The following SLC25A25 variants were observed in gnomAD, a reference collection of about 807,000 sequenced individuals.
SLC25A25 encodes mitochondrial adenyl nucleotide antiporter SLC25A25.
In SLC25A25, 32 loss-of-function variants were observed where a neutral mutation model predicts 57.7. The ratio of observed to expected loss-of-function variants is 0.55; its 90% CI spans 0.42 to 0.74. The LOEUF (loss-of-function observed/expected upper bound fraction) is 0.74, where lower values mean the gene tolerates loss of function less well. Ranked by LOEUF, SLC25A25 falls within the 30% of genes least tolerant of loss-of-function variation. SLC25A25 has a pLI of 0.00. For missense variants in SLC25A25, 556 were observed against 701.3 expected, an observed-to-expected ratio of 0.79 and a Z score of 2.34; for synonymous variants, 306 against 291.2, an observed-to-expected ratio of 1.05 and a Z score of -0.52.
intron 1 of SLC25A25, among the ~76,000 whole-genome samples, chr9:128,078,047 T>A (rs1833057964): frequency 6.6e-6 from 1 of 151,678 alleles, no homozygotes; most frequent in African/African-American, 2.4e-5. Context: ...AAAGGGTGAT[T>A]TGTATGGTAT....
At chr9:128,089,171 C>A (rs1833343376) in intron 1 of SLC25A25, among the ~76,000 whole-genome samples, 1 of 152,088 alleles carries the variant, frequency 6.6e-6, no homozygotes, top group African/African-American at 2.4e-5. Context: ...GGATTACAGA[C>A]GTGAACCACC....
At chr9:128,096,822 T>C (rs1833572291) in intron 1 of SLC25A25, among the ~76,000 whole-genome samples, 1 of 152,210 alleles carries the variant, frequency 6.6e-6, no homozygotes, top group African/African-American at 2.4e-5. Context: ...CATTCTGGAT[T>C]GGGCAGCTTA....
intron 6 of SLC25A25, 108 bp from the exon 7 acceptor site, chr9:128,105,620 GA>G: frequency 6.5e-7 from 1 of 1,532,670 alleles, no homozygotes; most frequent in Non-Finnish European, 9.0e-7. Context: ...ATGCACGGAA[GA>G]AAGGGCCTTC....
intron 1 of SLC25A25, among the ~76,000 whole-genome samples, chr9:128,078,387 G>A (rs537176307): frequency 3.7e-5 from 3 of 81,396 alleles, no homozygotes; most frequent in African/African-American, 8.9e-5. Context: ...ATTAAAGGGT[G>A]TGTGGCACCC....
rs1004686642 is a variant in SLC25A25 at position 128,103,247 on chromosome 9, G to A, written c.625-434G>A. 6.6e-6 allele frequency among the ~76,000 whole-genome samples: 1 copy of A among 152,202 alleles called. No individual in the cohort carries two copies. Among genetic ancestry groups the A allele is most frequent in the African/African-American group, 2.4e-5 (1 of 41,456 alleles). ...AAGGTTACGCAGGCAGCGAGCCCTCGTGTTTGCTGAGGCGTTGCATAATGT... is the reference window on the plus strand; with the variant it reads ...AAGGTTACGCAGGCAGCGAGCCCTCATGTTTGCTGAGGCGTTGCATAATGT... On this transcript the variant is annotated intron_variant, in intron 5 of 10. Transcript: ENST00000373069. This position sits in a 1 kb window ranked among gnomAD's most constrained non-coding sequence, Gnocchi z 6.7.
In SLC25A25 at chr9:128,107,943, T is replaced by G. The variant is rs1834121115; in HGVS notation, c.*499T>G. 2 of 399,058 alleles carry G rather than the reference T, an allele frequency of 5.0e-6. No homozygotes were observed. Among genetic ancestry groups the G allele is most frequent in the Non-Finnish European group, 8.8e-6 (2 of 226,402 alleles). The allele number at this position is 399,058 out of a possible 1,614,324, so 24.7% of individuals were successfully genotyped here. A position where few individuals can be genotyped will look rare whatever the true frequency, so the allele number is the denominator to read the frequency against. On this transcript the variant is annotated 3_prime_UTR_variant, in exon 11 of 11. Coordinates refer to ENST00000373069, the MANE Select transcript of SLC25A25 (RefSeq NM_001330988.2). ...CAATCCCATAATCCATGATGAAAGG[T>G]GAGGTCACGTGGCCTCCCAGGCCTG...
Position 128,101,951 on chromosome 9 carries a change from TGTGGCGGGCTC to T in SLC25A25, c.477-126_477-116del. The T allele has an allele frequency of 9.6e-7, 1 of 1,038,744 alleles. No homozygotes were observed. The highest frequency in any genetic ancestry group is 1.5e-5 in the South Asian group (1 of 65,992). 64.3% of individuals were successfully genotyped at this position (1,038,744 alleles called of 1,614,324 possible). A position where few individuals can be genotyped will look rare whatever the true frequency, so the allele number is the denominator to read the frequency against. On this transcript the variant is annotated intron_variant, in intron 3 of 10. Transcript: ENST00000373069. This position sits in a 1 kb window ranked among gnomAD's most constrained non-coding sequence, Gnocchi z 4.9. ...GGACAGCAGCCCTGGGCTCAGCTGC[TGTGGCGGGCTC>T]GTCTCGTGCCGTGCTGTGCCCCTGT...
At chr9:128,072,154 GAGA>G (rs1443359793) in intron 1 of SLC25A25, among the ~76,000 whole-genome samples, 3 of 152,332 alleles carry the variant, frequency 2.0e-5, no homozygotes, top group East Asian at 3.9e-4. Flanking sequence ...AAGTCTTGGA[GAGA>G]AGATCTGCCT....
intron 1 of SLC25A25, among the ~76,000 whole-genome samples, chr9:128,072,721 A>G (rs1832933886): frequency 6.6e-6 from 1 of 152,260 alleles, no homozygotes; most frequent in Non-Finnish European, 1.5e-5. Flanking sequence ...AGTTCATTAA[A>G]GAAGAAAGAA....
Position 128,099,370 on chromosome 9 carries a change from G to C in SLC25A25, c.262-1726G>C. 4.9e-6 allele frequency: 6 copies of C among 1,217,022 alleles called. No individual in the cohort carries two copies. Among genetic ancestry groups the C allele is most frequent in the Non-Finnish European group, 6.3e-6 (6 of 954,756 alleles). The allele number at this position is 1,217,022 out of a possible 1,614,324, so 75.4% of individuals were successfully genotyped here. Reference sequence around the variant, plus strand: ...GCAGAAGCAAGCACTTTGAGAATGCGTTGAAGCCAGCTGCGGTGAGCACAC... The same window carrying C: ...GCAGAAGCAAGCACTTTGAGAATGCCTTGAAGCCAGCTGCGGTGAGCACAC... On this transcript the variant is annotated intron_variant, in intron 1 of 10. Transcript: ENST00000373069. This position sits in a 1 kb window ranked among gnomAD's most constrained non-coding sequence, Gnocchi z 6.8.
intron 1 of SLC25A25, among the ~76,000 whole-genome samples, chr9:128,084,494 AG>A (rs1281299233): frequency 1.3e-5 from 2 of 152,032 alleles, no homozygotes; most frequent in African/African-American, 2.4e-5. Context: ...CCAGGTTTTT[AG>A]ATAATAACCC....
intron 1 of SLC25A25, among the ~76,000 whole-genome samples, chr9:128,069,503 A>C (rs1695938550): frequency 6.6e-6 from 1 of 152,146 alleles, no homozygotes; most frequent in South Asian, 2.1e-4. Flanking sequence ...CTGCTGAGTT[A>C]GTTTGGTCCA....
intron 9 of SLC25A25, 47 bp from the exon 10 acceptor site, chr9:128,106,982 T>C: frequency 1.3e-6 from 2 of 1,585,576 alleles, no homozygotes; most frequent in Non-Finnish European, 1.7e-6. Flanking sequence ...TCTTGCTGCC[T>C]CACTAGCCCT....
At chr9:128,087,164 G>C (rs1168814042) in intron 1 of SLC25A25, among the ~76,000 whole-genome samples, 1 of 151,476 alleles carries the variant, frequency 6.6e-6, no homozygotes, top group Non-Finnish European at 1.5e-5. Flanking sequence ...ACAGTGAGCT[G>C]GGATCGCACC....
intron 1 of SLC25A25, among the ~76,000 whole-genome samples, chr9:128,074,563 G>T (rs1043992085): frequency 6.6e-6 from 1 of 151,694 alleles, no homozygotes. Context: ...ACAAAAATTA[G>T]CCGGGCGTGG....
chr9:128,091,038 A>G lies in SLC25A25; in HGVS notation c.262-10058A>G, dbSNP rs1833391786. The G allele has an allele frequency of 2.0e-5, 3 of 152,368 alleles. No homozygotes were observed. The South Asian group carries it at 6.2e-4, about 32-fold the overall frequency. 9.4% of individuals were successfully genotyped at this position (152,368 alleles called of 1,614,324 possible). ...CTTGGTCCCTGCCCCCAGGCAGCTC[A>G]TCTTCTGGAGGGAGACGCAGCAGAA... On this transcript the variant is annotated intron_variant, in intron 1 of 10. Transcript: ENST00000373069.
chr9:128,081,829 G>T (rs1833162235), intron 1 of SLC25A25, among the ~76,000 whole-genome samples: 2 of 152,076 alleles, frequency 1.3e-5, no homozygotes, highest in African/African-American at 2.4e-5. Context: ...GTTGAGGTGG[G>T]AAGATCCCTT....
chr9:128,078,051 A>G (rs1189921563), intron 1 of SLC25A25, among the ~76,000 whole-genome samples: 1 of 151,412 alleles, frequency 6.6e-6, no homozygotes, highest in African/African-American at 2.4e-5. Context: ...GGTGATTTGT[A>G]TGGTATGAGA....
intron 1 of SLC25A25, among the ~76,000 whole-genome samples, chr9:128,082,108 G>A (rs932820603): frequency 6.6e-6 from 1 of 152,124 alleles, no homozygotes; most frequent in Non-Finnish European, 1.5e-5. Flanking sequence ...GAAGGGGACT[G>A]GCTTTTCACC....
Sources: allele counts gnomAD v4.1 joint callset (sites outside exome capture counted in the v4.1 genomes callset), GRCh38; gene constraint gnomAD v4.1.1; non-coding constraint Gnocchi (gnomAD v3.1); transcripts MANE v1.5; gene names NCBI Gene and HGNC (gene_info 2026-07-23, HGNC 2026-07-21).